The following KLHL1 variants were observed in gnomAD, a reference collection of about 807,000 sequenced individuals.
KLHL1 encodes kelch-like protein 1.
KLHL1 carries 47 observed loss-of-function variants against 77.7 expected under a neutral mutation model. That is an observed-to-expected ratio of 0.60 (90% CI 0.48 to 0.77). The LOEUF (loss-of-function observed/expected upper bound fraction) is 0.77. KLHL1 is among the 30% of genes least tolerant of loss of function. The pLI, the probability that KLHL1 is intolerant of heterozygous loss-of-function variation, is 0.00. For synonymous variants in KLHL1, 360 were observed against 325.2 expected, an observed-to-expected ratio of 1.11 and a Z score of -1.15; for missense variants, 925 against 910.8, an observed-to-expected ratio of 1.02 and a Z score of -0.20.
intron 5 of KLHL1, among the ~76,000 whole-genome samples, chr13:69,877,666 C>A (rs1880819634): frequency 6.6e-6 from 1 of 151,912 alleles, no homozygotes; most frequent in Non-Finnish European, 1.5e-5. Flanking sequence ...ATCATTTTCC[C>A]TTTTTCTCTG....
intron 8 of KLHL1, among the ~76,000 whole-genome samples, chr13:69,722,462 A>G (rs1463877654): frequency 6.6e-6 from 1 of 152,014 alleles, no homozygotes; most frequent in Non-Finnish European, 1.5e-5. Flanking sequence ...ATCAAACTAC[A>G]TATAGGTCTG....
chr13:70,030,202 A>C (rs1295979685), intron 1 of KLHL1, among the ~76,000 whole-genome samples: 1 of 152,232 alleles, frequency 6.6e-6, no homozygotes, highest in East Asian at 1.9e-4. Flanking sequence ...GAAAGTTAGC[A>C]AGGATGTCCA....
chr13:69,712,251 T>A (rs1875909748), intron 9 of KLHL1, among the ~76,000 whole-genome samples: 1 of 98,784 alleles, frequency 1.0e-5, no homozygotes, highest in African/African-American at 3.2e-5. Flanking sequence ...AAGAAGTCTT[T>A]CACACCTCAT....
chr13:69,719,806 A>G (rs1216578221), intron 8 of KLHL1, among the ~76,000 whole-genome samples: 2 of 152,020 alleles, frequency 1.3e-5, no homozygotes, highest in Non-Finnish European at 2.9e-5. Context: ...TAAGACAACT[A>G]TAATTTTAAC....
intron 5 of KLHL1, among the ~76,000 whole-genome samples, chr13:69,872,850 ACCAG>A (rs541110688): frequency 1.9e-3 from 293 of 152,244 alleles, no homozygotes; most frequent in African/African-American, 6.4e-3. Context: ...TAGGGACAGC[ACCAG>A]CCATTCATGA....
intron 1 of KLHL1, among the ~76,000 whole-genome samples, chr13:70,106,691 A>G (rs1439710096): frequency 2.6e-5 from 4 of 152,158 alleles, no homozygotes; most frequent in Non-Finnish European, 5.9e-5. Flanking sequence ...CAGGAGCAAA[A>G]AGAGAGGTAA....
chr13:69,781,994 T>C (rs142817329), intron 7 of KLHL1, among the ~76,000 whole-genome samples: 1,757 of 152,298 alleles, frequency 0.012, 34 homozygotes, highest in African/African-American at 0.039. Context: ...GCAGCAAACA[T>C]TTTAAATTTG....
intron 9 of KLHL1, among the ~76,000 whole-genome samples, chr13:69,710,647 A>G (rs971651558): frequency 6.6e-6 from 1 of 152,136 alleles, no homozygotes; most frequent in African/African-American, 2.4e-5. Context: ...AGCATGGGAC[A>G]TACAAAGTTA....
intron 5 of KLHL1, among the ~76,000 whole-genome samples, chr13:69,868,907 G>C (rs553904409): frequency 2.6e-5 from 4 of 152,118 alleles, no homozygotes; most frequent in African/African-American, 7.2e-5. Context: ...AAGTTTTGAA[G>C]ATCTTTCCTG....
At chr13:69,884,358 T>C (rs1438077615) in intron 4 of KLHL1, among the ~76,000 whole-genome samples, 4 of 149,184 alleles carry the variant, frequency 2.7e-5, no homozygotes, top group Non-Finnish European at 5.9e-5. Context: ...ATGTAAATTA[T>C]AGATGCCCAT....
intron 3 of KLHL1, among the ~76,000 whole-genome samples, chr13:69,941,351 T>C (rs891706910): frequency 6.6e-6 from 1 of 152,034 alleles, no homozygotes; most frequent in African/African-American, 2.4e-5. Flanking sequence ...TGAATGATCT[T>C]AGGGTCAACA....
chr13:70,105,630 G>C (rs1214980064), intron 1 of KLHL1, among the ~76,000 whole-genome samples: 2 of 151,116 alleles, frequency 1.3e-5, no homozygotes, highest in Non-Finnish European at 3.0e-5. Flanking sequence ...AATGTTTCTG[G>C]ATAATTCCTC....
intron 1 of KLHL1, among the ~76,000 whole-genome samples, chr13:70,016,857 G>A (rs766028407): frequency 1.3e-5 from 2 of 152,026 alleles, no homozygotes; most frequent in South Asian, 4.2e-4. Flanking sequence ...TCCACCCATG[G>A]CCACCCATGG....
chr13:69,870,156 C>T (rs1267987226), intron 5 of KLHL1, among the ~76,000 whole-genome samples: 3 of 152,250 alleles, frequency 2.0e-5, no homozygotes, highest in African/African-American at 4.8e-5. Context: ...GCACACTTTA[C>T]AAGAGGCATG....
At chr13:69,800,614 TATTA>T (rs1183373028) in intron 6 of KLHL1, among the ~76,000 whole-genome samples, 2 of 152,294 alleles carry the variant, frequency 1.3e-5, no homozygotes, top group South Asian at 2.1e-4. Context: ...TTATGAAAAT[TATTA>T]ATAATAATAT....
intron 4 of KLHL1, among the ~76,000 whole-genome samples, chr13:69,896,669 A>C (rs1881652396): frequency 6.7e-6 from 1 of 148,420 alleles, no homozygotes; most frequent in Admixed American, 6.6e-5. Flanking sequence ...AAAGTATTAA[A>C]ATTTTTTTTT....
At chr13:70,011,429 C>T (rs898368994) in intron 1 of KLHL1, among the ~76,000 whole-genome samples, 3 of 152,022 alleles carry the variant, frequency 2.0e-5, no homozygotes, top group African/African-American at 7.2e-5. Context: ...GTTATTTATG[C>T]CCTTTTCTTC....
At chr13:70,047,075 C>T (rs1886518278) in intron 1 of KLHL1, among the ~76,000 whole-genome samples, 1 of 152,018 alleles carries the variant, frequency 6.6e-6, no homozygotes, top group African/African-American at 2.4e-5. Context: ...CCAAACCTTG[C>T]AACCAAACCC....
intron 1 of KLHL1, among the ~76,000 whole-genome samples, chr13:70,015,034 A>G (rs1471082201): frequency 6.6e-6 from 1 of 152,164 alleles, no homozygotes; most frequent in Non-Finnish European, 1.5e-5. Context: ...AGTGATTTAC[A>G]CTAATGAAAA....
Sources: allele counts gnomAD v4.1 joint callset (sites outside exome capture counted in the v4.1 genomes callset), GRCh38; gene constraint gnomAD v4.1.1; transcripts MANE v1.5; gene names NCBI Gene and HGNC (gene_info 2026-07-23, HGNC 2026-07-21).